The following CLASP1 variants were observed in gnomAD, a reference collection of about 807,000 sequenced individuals.
The protein encoded by CLASP1 is CLIP-associating protein 1.
CLASP1 carries 38 observed loss-of-function variants against 192.3 expected under a neutral mutation model. The observed-to-expected ratio is 0.20, with a 90% CI of 0.15 to 0.26. The LOEUF (loss-of-function observed/expected upper bound fraction) is 0.26. Ranked by LOEUF, CLASP1 falls within the 10% of genes least tolerant of loss-of-function variation. CLASP1 has a pLI of 1.00. For synonymous variants in CLASP1, 691 were observed against 712.8 expected, an observed-to-expected ratio of 0.97 and a Z score of 0.49; for missense variants, 1,433 against 1,932.5, an observed-to-expected ratio of 0.74 and a Z score of 4.85.
At chr2:121,639,723 C>T in intron 1 of CLASP1, among the ~76,000 whole-genome samples, 1 of 151,818 alleles carries the variant, frequency 6.6e-6, no homozygotes, top group East Asian at 1.9e-4. Context: ...ATTAGCCAGG[C>T]ATGGTGGCGC....
rs376018372 is a variant in CLASP1, at chr2:121,447,332, G to A, written c.1912+5C>T. 10 of 1,588,388 alleles carry A rather than the reference G, an allele frequency of 6.3e-6. No individual in the cohort carries two copies. The African/African-American group carries it at 1.1e-4, about 17-fold the overall frequency. On this transcript the variant is annotated splice_donor_5th_base_variant and intron_variant, in intron 19 of 39. Transcript: ENST00000263710. ...GGAGGGAAAGGGTGACAGGGGTGTG[G>A]TTACCTAAGGATGCGTATGACCCTG...
chr2:121,439,326 C>T (rs1287272320), intron 19 of CLASP1, among the ~76,000 whole-genome samples: 2 of 151,538 alleles, frequency 1.3e-5, no homozygotes. Context: ...TGTCTATTTC[C>T]TTCAGTTCTG....
At chr2:121,556,238 A>G (rs1297945601) in intron 2 of CLASP1, among the ~76,000 whole-genome samples, 3 of 151,888 alleles carry the variant, frequency 2.0e-5, no homozygotes, top group Non-Finnish European at 2.9e-5. Flanking sequence ...TGCCCGCCTC[A>G]GCCTCCCAAA....
chr2:121,556,544 A>T (rs2058588844), intron 2 of CLASP1, among the ~76,000 whole-genome samples: 1 of 152,168 alleles, frequency 6.6e-6, no homozygotes, highest in South Asian at 2.1e-4. Context: ...CTCTTCCCCA[A>T]GATACCTACC....
chr2:121,391,777 G>T (rs1387812264), intron 30 of CLASP1, among the ~76,000 whole-genome samples: 1 of 152,142 alleles, frequency 6.6e-6, no homozygotes, highest in Admixed American at 6.5e-5. Context: ...GGTGGCATGT[G>T]CCTGTAATCC....
intron 24 of CLASP1, 80 bp downstream of exon 25, chr2:121,410,786 G>A: frequency 1.3e-6 from 1 of 754,526 alleles, no homozygotes; most frequent in Non-Finnish European, 2.1e-6. Flanking sequence ...CCTGATTTGG[G>A]GGCAATTTCC....
intron 8 of CLASP1, among the ~76,000 whole-genome samples, chr2:121,483,928 T>C (rs1386148193): frequency 1.3e-5 from 2 of 152,218 alleles, no homozygotes; most frequent in South Asian, 2.1e-4. Context: ...CAAACCTAAA[T>C]GCAAATGGCA....
At chr2:121,493,001 A>C (rs1423384441) in intron 8 of CLASP1, among the ~76,000 whole-genome samples, 1 of 152,234 alleles carries the variant, frequency 6.6e-6, no homozygotes, top group East Asian at 1.9e-4. Flanking sequence ...ACTTGAAATG[A>C]ATGCTGTCAT....
At chr2:121,448,388 C>T in intron 17 of CLASP1, 63 bp from the exon 18 acceptor site, 1 of 1,307,654 alleles carries the variant, frequency 7.6e-7, no homozygotes, top group Non-Finnish European at 1.1e-6. Flanking sequence ...CAAATACAAA[C>T]TACAACAGGA....
intron 34 of CLASP1, among the ~76,000 whole-genome samples, chr2:121,376,481 T>C (rs868396643): frequency 8.4e-6 from 1 of 119,640 alleles, no homozygotes; most frequent in African/African-American, 3.3e-5. Flanking sequence ...GTTGAGCTCA[T>C]AGAAGTAGAC....
intron 1 of CLASP1, among the ~76,000 whole-genome samples, chr2:121,631,087 A>G (rs1187581930): frequency 8.5e-6 from 1 of 117,156 alleles, no homozygotes; most frequent in Non-Finnish European, 1.6e-5. Flanking sequence ...TGAACCCGGG[A>G]GGTGGAGGTT....
chr2:121,437,964 T>C (rs893742725), intron 19 of CLASP1, among the ~76,000 whole-genome samples: 3 of 152,254 alleles, frequency 2.0e-5, no homozygotes, highest in African/African-American at 7.2e-5. Context: ...GTATATATCC[T>C]TAAAAAATGC....
chr2:121,388,963 C>A, intron 30 of CLASP1, among the ~76,000 whole-genome samples: 1 of 152,110 alleles, frequency 6.6e-6, no homozygotes, highest in East Asian at 1.9e-4. Flanking sequence ...CAGAGAAATT[C>A]TTTTGGAAAT....
intron 18 of CLASP1, 79 bp from the exon 19 acceptor site, chr2:121,447,586 T>C: frequency 8.1e-7 from 1 of 1,230,052 alleles, no homozygotes; most frequent in Non-Finnish European, 1.1e-6. Flanking sequence ...GATGTTGTTT[T>C]GCTTTCCTGA....
intron 23 of CLASP1, among the ~76,000 whole-genome samples, chr2:121,412,292 T>G (rs1220031430): frequency 6.6e-6 from 1 of 152,222 alleles, no homozygotes; most frequent in Non-Finnish European, 1.5e-5. Flanking sequence ...ATCCCCTTTT[T>G]TAATGCATTT....
intron 22 of CLASP1, among the ~76,000 whole-genome samples, chr2:121,421,247 A>ATATT (rs2079449673): frequency 6.6e-6 from 1 of 152,188 alleles, no homozygotes; most frequent in Non-Finnish European, 1.5e-5. Flanking sequence ...TAAAATAAGT[A>ATATT]TATTTATTTA....
intron 7 of CLASP1, among the ~76,000 whole-genome samples, chr2:121,515,332 T>C (rs2094257109): frequency 6.6e-6 from 1 of 152,234 alleles, no homozygotes; most frequent in Non-Finnish European, 1.5e-5. Flanking sequence ...CTATACTAAG[T>C]GCTGTCTGTA....
At chr2:121,458,799 T>C (rs545375949) in intron 13 of CLASP1, 41 bp downstream of exon 13, 3 of 1,470,830 alleles carry the variant, frequency 2.0e-6, no homozygotes, top group African/African-American at 2.9e-5. Flanking sequence ...CATCAGTATT[T>C]ACCACTTGCT....
chr2:121,533,029 A>G (rs1418005104), intron 2 of CLASP1, among the ~76,000 whole-genome samples: 1 of 152,148 alleles, frequency 6.6e-6, no homozygotes, highest in African/African-American at 2.4e-5. Context: ...GTTCAAGGCT[A>G]AGGTAAAGAG....
Sources: gnomAD v4.1 joint callset for allele counts (sites outside exome capture counted in the v4.1 genomes callset) on GRCh38, gnomAD v4.1.1 for gene constraint, MANE v1.5 for transcripts, NCBI Gene and HGNC (gene_info 2026-07-23, HGNC 2026-07-21) for gene names.